Variants in NAV2 observed in about 807,000 individuals in gnomAD.
NAV2 encodes the protein helicase, APC down-regulated 1.
A neutral mutation model predicts 223.2 loss-of-function variants in NAV2; 54 were observed. The ratio of observed to expected loss-of-function variants is 0.24; its 90% CI spans 0.19 to 0.30. The LOEUF (loss-of-function observed/expected upper bound fraction) is 0.30. NAV2 is among the 10% of genes least tolerant of loss of function. NAV2 has a pLI of 1.00. For missense variants in NAV2, 2,806 were observed against 3,147.5 expected, an observed-to-expected ratio of 0.89 and a Z score of 2.60; for synonymous variants, 1,279 against 1,239.3, an observed-to-expected ratio of 1.03 and a Z score of -0.67.
intron 1 of NAV2, among the ~76,000 whole-genome samples, chr11:19,748,063 G>A (rs1186580772): frequency 6.6e-6 from 1 of 152,206 alleles, no homozygotes; most frequent in Non-Finnish European, 1.5e-5. Flanking sequence ...AGGCTTTGTG[G>A]GGAAGGCTCT....
chr11:19,919,001 G>A (rs1036884534), intron 6 of NAV2, among the ~76,000 whole-genome samples: 5 of 152,114 alleles, frequency 3.3e-5, no homozygotes, highest in African/African-American at 1.2e-4. Context: ...ACCTGGGAAA[G>A]TACCTGAAAC....
intron 11 of NAV2, chr11:20,022,882 C>T (rs2054632349): frequency 8.0e-6 from 11 of 1,373,478 alleles, no homozygotes; most frequent in South Asian, 5.5e-5. Flanking sequence ...CCTGACCTCT[C>T]GATCCTTCAG....
intron 1 of NAV2, among the ~76,000 whole-genome samples, chr11:19,717,957 G>A (rs1445880660): frequency 2.0e-5 from 3 of 152,148 alleles, no homozygotes; most frequent in African/African-American, 7.2e-5. Flanking sequence ...TAGCCAGCAA[G>A]TAGCTGTTAG....
At chr11:19,519,544 G>A (rs894453737) in intron 1 of NAV2, among the ~76,000 whole-genome samples, 2 of 152,188 alleles carry the variant, frequency 1.3e-5, no homozygotes, top group African/African-American at 4.8e-5. Flanking sequence ...AGCTCCCTCT[G>A]CCACCTAACA....
intron 8 of NAV2, among the ~76,000 whole-genome samples, chr11:19,946,024 A>G (rs920773979): frequency 6.6e-6 from 1 of 152,258 alleles, no homozygotes; most frequent in Non-Finnish European, 1.5e-5. Context: ...AATAGGTGAG[A>G]AAACAAAATG....
chr11:19,615,285 C>G (rs2135365641), intron 1 of NAV2, among the ~76,000 whole-genome samples: 1 of 151,772 alleles, frequency 6.6e-6, no homozygotes, highest in South Asian at 2.1e-4. Context: ...TGTTCATATT[C>G]AAACTCCTCT....
intron 7 of NAV2, among the ~76,000 whole-genome samples, chr11:19,935,854 T>TTTTTTTTTTTG (rs2045821702): frequency 5.3e-5 from 5 of 93,830 alleles, no homozygotes; most frequent in Admixed American, 1.1e-4. Context: ...TGTTTCTGTT[T>TTTTTTTTTTTG]TTTTTTTTTT....
intron 1 of NAV2, among the ~76,000 whole-genome samples, chr11:19,361,106 A>C (rs1355139754): frequency 6.6e-6 from 1 of 152,004 alleles, no homozygotes; most frequent in Admixed American, 6.6e-5. Context: ...TAGATACTAT[A>C]AAATGAGGAT....
intron 1 of NAV2, among the ~76,000 whole-genome samples, chr11:19,460,917 T>C (rs1296386866): frequency 1.3e-5 from 2 of 152,088 alleles, no homozygotes; most frequent in Non-Finnish European, 2.9e-5. Context: ...CTCATCCCCT[T>C]CTACATGCAA....
chr11:19,849,621 C>T (rs975973494), intron 3 of NAV2, among the ~76,000 whole-genome samples: 3 of 152,206 alleles, frequency 2.0e-5, no homozygotes, highest in Non-Finnish European at 4.4e-5. Flanking sequence ...AGAAAGCCGG[C>T]CACATGCCTG....
intron 32 of NAV2, among the ~76,000 whole-genome samples, chr11:20,101,565 A>G (rs763808425): frequency 6.6e-6 from 1 of 152,222 alleles, no homozygotes; most frequent in African/African-American, 2.4e-5. Flanking sequence ...TTGCCCCATC[A>G]CCAGCAAACA....
chr11:19,373,406 C>A (rs1007296856), intron 1 of NAV2, among the ~76,000 whole-genome samples: 1 of 152,184 alleles, frequency 6.6e-6, no homozygotes, highest in South Asian at 2.1e-4. Context: ...GCCACAATGA[C>A]CTTCTTGCTG....
Position 19,864,302 on chromosome 11 carries a change from C to T in NAV2, c.439-4623C>T, listed in dbSNP as rs1020010750. Among the ~76,000 whole-genome samples the T allele has an allele frequency of 5.8e-4, 88 of 152,190 alleles. 3 individuals carry two copies. Among genetic ancestry groups the T allele is most frequent in the Non-Finnish European group, 1.5e-5 (1 of 68,042 alleles). On this transcript the variant is annotated intron_variant, in intron 3 of 37. Transcript: ENST00000349880. Reference sequence around the variant, plus strand: ...CTGTGGTAGCACCCATAGAGATGGTCTTCCTTTGCATTAATTATTTTCATG... The same window carrying T: ...CTGTGGTAGCACCCATAGAGATGGTTTTCCTTTGCATTAATTATTTTCATG...
chr11:20,050,747 G>A (rs1037125837), intron 16 of NAV2, among the ~76,000 whole-genome samples: 3 of 152,290 alleles, frequency 2.0e-5, no homozygotes, highest in South Asian at 2.1e-4. Flanking sequence ...TGCCTGGGCC[G>A]CAGAAATTGA....
intron 1 of NAV2, among the ~76,000 whole-genome samples, chr11:19,549,854 T>C (rs934065625): frequency 6.6e-6 from 1 of 152,248 alleles, no homozygotes; most frequent in Non-Finnish European, 1.5e-5. Flanking sequence ...AACGTTAGTC[T>C]GGTAAGAATC....
At chr11:19,719,069 G>A (rs955815524) in intron 1 of NAV2, among the ~76,000 whole-genome samples, 3 of 152,100 alleles carry the variant, frequency 2.0e-5, no homozygotes, top group Admixed American at 6.5e-5. Flanking sequence ...AAGATATAAG[G>A]GATGTAGCCT....
At chr11:19,361,073 T>G (rs1226231868) in intron 1 of NAV2, among the ~76,000 whole-genome samples, 1 of 151,888 alleles carries the variant, frequency 6.6e-6, no homozygotes, top group Non-Finnish European at 1.5e-5. Flanking sequence ...TTGGGAAAAT[T>G]TTGTAACCTC....
At chr11:20,038,077 G>A (rs1238778173) in intron 12 of NAV2, among the ~76,000 whole-genome samples, 1 of 152,198 alleles carries the variant, frequency 6.6e-6, no homozygotes, top group Admixed American at 6.5e-5. Flanking sequence ...ACACTGTACT[G>A]GAAGAATGTC....
At chr11:19,944,272 T>G (rs917171536) in intron 8 of NAV2, among the ~76,000 whole-genome samples, 8 of 152,178 alleles carry the variant, frequency 5.3e-5, no homozygotes, top group Admixed American at 3.3e-4. Context: ...TCCTAGCTTG[T>G]GTGTGGCATA....
Sources: gnomAD v4.1 joint callset for allele counts (sites outside exome capture counted in the v4.1 genomes callset) on GRCh38, gnomAD v4.1.1 for gene constraint, MANE v1.5 for transcripts, NCBI Gene and HGNC (gene_info 2026-07-23, HGNC 2026-07-21) for gene names.